RABGEF1: variants seen among roughly 807,000 people sequenced by gnomAD.
RABGEF1 encodes rab5 GDP/GTP exchange factor.
RABGEF1 carries 26 observed loss-of-function variants against 57.3 expected under a neutral mutation model. The observed-to-expected ratio is 0.45, with a 90% CI of 0.33 to 0.63. RABGEF1 has a LOEUF of 0.63. Among genes scored for constraint, RABGEF1 ranks in the 20% least tolerant of loss-of-function variants. RABGEF1 has a pLI of 0.02. For missense variants in RABGEF1, 464 were observed against 607.6 expected (o/e 0.76, Z 2.48); for synonymous variants, 185 against 210.7 (o/e 0.88, Z 1.06).
chr7:66,706,778 G>GTTT (rs199965735), intron 1 of RABGEF1, among the ~76,000 whole-genome samples: 29 of 120,704 alleles, frequency 2.4e-4, no homozygotes, highest in Admixed American at 3.5e-4. Context: ...TGACATACTG[G>GTTT]TTTTTTTTTT....
At chr7:66,657,338 A>G in the RABGEF1 span, among the ~76,000 whole-genome samples, 1 of 152,244 alleles carries the variant, frequency 6.6e-6, no homozygotes, top group African/African-American at 2.4e-5. Context: ...ATCAGTAACA[A>G]GGAAAACTTG....
At chr7:66,689,242 A>C (rs974568691) in intron 1 of RABGEF1, among the ~76,000 whole-genome samples, 6 of 152,152 alleles carry the variant, frequency 3.9e-5, no homozygotes, top group African/African-American at 1.4e-4. Context: ...AGAATAGGAA[A>C]AGAAGAGAAT....
At position 66,809,146 on chromosome 7, in the gene RABGEF1, A is replaced by G. The variant is rs1162673779; in HGVS notation, c.1338A>G (p.Ala446=). 1 of 1,614,222 alleles carries G rather than the reference A, an allele frequency of 6.2e-7. No individual in the cohort carries two copies. The highest frequency in any genetic ancestry group is 1.1e-5 in the South Asian group (1 of 91,080). Residue 446 remains alanine, a synonymous_variant, in exon 9 of 9, where the codon GCA becomes GCG. Coordinates refer to ENST00000284957, the MANE Select transcript of RABGEF1 (RefSeq NM_014504.3). ...TCATAGATTGGACAGATGGAATTGC[A>G]AGAGAAGTTCAAGACATCGTTGAGA... ...KDLIDWTDGI[A]REVQDIVEKY...
intron 4 of RABGEF1, among the ~76,000 whole-genome samples, chr7:66,789,524 A>T (rs924788400): frequency 6.6e-6 from 1 of 151,986 alleles, no homozygotes; most frequent in African/African-American, 2.4e-5. Flanking sequence ...CTACTAAAAA[A>T]TACAAAAAAT....
chr7:66,755,501 TAAAGA>T (rs1295300914), intron 1 of RABGEF1, among the ~76,000 whole-genome samples: 1 of 151,946 alleles, frequency 6.6e-6, no homozygotes, highest in Non-Finnish European at 1.5e-5. Context: ...AAAAAAAGCG[TAAAGA>T]AAAGAAATGC....
chr7:66,742,178 A>T (rs1401313788), intron 1 of RABGEF1, among the ~76,000 whole-genome samples: 1 of 151,942 alleles, frequency 6.6e-6, no homozygotes, highest in Non-Finnish European at 1.5e-5. Flanking sequence ...TCTGTTCCTT[A>T]AAATTGTTGT....
At chr7:66,759,369 G>T (rs921287169) in intron 1 of RABGEF1, among the ~76,000 whole-genome samples, 13 of 152,176 alleles carry the variant, frequency 8.5e-5, no homozygotes, top group Admixed American at 1.3e-4. Context: ...AGTTGCCCAG[G>T]ATGTGCTTAC....
At chr7:66,690,255 C>T (rs919885011) in intron 1 of RABGEF1, among the ~76,000 whole-genome samples, 1 of 151,566 alleles carries the variant, frequency 6.6e-6, no homozygotes, top group Non-Finnish European at 1.5e-5. Context: ...CAAGTGCCAC[C>T]ACACCCGGCT....
upstream of RABGEF1, among the ~76,000 whole-genome samples, chr7:66,737,449 G>T (rs1484483214): frequency 6.6e-6 from 1 of 151,590 alleles, no homozygotes; most frequent in African/African-American, 2.4e-5. Flanking sequence ...GGGTAGGGGG[G>T]GGCAGTCTAA....
intron 1 of RABGEF1, among the ~76,000 whole-genome samples, chr7:66,701,484 G>C (rs1283940382): frequency 2.0e-5 from 3 of 150,592 alleles, no homozygotes; most frequent in Admixed American, 2.0e-4. Context: ...GGAGGACAGA[G>C]CGAGACTCTG....
At chr7:66,750,851 G>A (rs1379890151) in intron 1 of RABGEF1, among the ~76,000 whole-genome samples, 2 of 152,192 alleles carry the variant, frequency 1.3e-5, no homozygotes, top group African/African-American at 4.8e-5. Flanking sequence ...GACGCTTTAT[G>A]TGTATTTGGA....
chr7:66,728,462 C>T (rs898688241), intron 2 of RABGEF1, among the ~76,000 whole-genome samples: 8 of 152,126 alleles, frequency 5.3e-5, no homozygotes, highest in African/African-American at 1.9e-4. Flanking sequence ...TCTGCTTGTT[C>T]CTGTTCCCAC....
At chr7:66,697,441 C>T (rs1487590839) in intron 1 of RABGEF1, among the ~76,000 whole-genome samples, 3 of 152,308 alleles carry the variant, frequency 2.0e-5, no homozygotes, top group East Asian at 3.9e-4. Flanking sequence ...GTCAAACCGA[C>T]GTCTCTCCCT....
chr7:66,693,738 C>T lies in RABGEF1; in HGVS notation c.-873+11480C>T, dbSNP rs1000342938. Among the ~76,000 whole-genome samples the T allele has an allele frequency of 8.5e-5, 13 of 152,164 alleles. No homozygotes were observed. In the East Asian group the frequency reaches 9.6e-4, roughly 11 times the overall value. Reference sequence around the variant, plus strand: ...AGGAGGGTCCCGAGAGAGAGGACTACGACCCTCAGGGAATCATTCATTCAT... The same window carrying T: ...AGGAGGGTCCCGAGAGAGAGGACTATGACCCTCAGGGAATCATTCATTCAT... On this transcript the variant is annotated intron_variant and NMD_transcript_variant, in intron 1 of 9. Transcript: ENST00000607882.
At chr7:66,761,410 G>T (rs1211508591) in intron 1 of RABGEF1, among the ~76,000 whole-genome samples, 1 of 152,198 alleles carries the variant, frequency 6.6e-6, no homozygotes, top group Non-Finnish European at 1.5e-5. Context: ...AACTCAGGGA[G>T]ATGCTTCTGT....
chr7:66,686,001 A>G (rs1790565910), intron 1 of RABGEF1, among the ~76,000 whole-genome samples: 1 of 152,170 alleles, frequency 6.6e-6, no homozygotes, highest in Non-Finnish European at 1.5e-5. Flanking sequence ...ATTATAGGCC[A>G]GGTGCGGTGG....
chr7:66,760,536 C>T (rs972408984), intron 1 of RABGEF1, among the ~76,000 whole-genome samples: 3 of 151,298 alleles, frequency 2.0e-5, no homozygotes, highest in Non-Finnish European at 2.9e-5. Flanking sequence ...CTCTTCCTCC[C>T]GGGTTCAAGT....
intron 4 of RABGEF1, among the ~76,000 whole-genome samples, chr7:66,788,612 C>T (rs531741032): frequency 6.6e-6 from 1 of 152,232 alleles, no homozygotes; most frequent in South Asian, 2.1e-4. Flanking sequence ...GCTCTTCTTT[C>T]TAAGGAAGCA....
At position 66,701,137 on chromosome 7, in the gene RABGEF1, G is replaced by C. The variant is rs569722989; in HGVS notation, c.-872-11030G>C. Among the ~76,000 whole-genome samples the C allele has an allele frequency of 2.6e-5, 4 of 152,314 alleles. 1 individual carries two copies. The South Asian group carries it at 6.2e-4, about 24-fold the overall frequency. ...GCAGGTATGATAGGAAGAAGGACTG[G>C]AGGGGTAGACAGGCACTGCCATCCA... On this transcript the variant is annotated intron_variant and NMD_transcript_variant, in intron 1 of 9. Transcript: ENST00000607882.
Sources: allele counts gnomAD v4.1 joint callset (sites outside exome capture counted in the v4.1 genomes callset), GRCh38; gene constraint gnomAD v4.1.1; transcripts MANE v1.5; gene names NCBI Gene and HGNC (gene_info 2026-07-23, HGNC 2026-07-21).